The following PAWR variants were observed in gnomAD, a reference collection of about 807,000 sequenced individuals.
The protein encoded by PAWR is PRKC apoptosis WT1 regulator protein.
In PAWR, 23 loss-of-function variants were observed where a neutral mutation model predicts 32.0. The ratio of observed to expected loss-of-function variants is 0.72; its 90% CI spans 0.52 to 1.02. The LOEUF (loss-of-function observed/expected upper bound fraction) is 1.02, where lower values mean the gene tolerates loss of function less well. Ranked by LOEUF, PAWR falls within the 50% of genes least tolerant of loss-of-function variation. The pLI, the probability that PAWR is intolerant of heterozygous loss-of-function variation, is 0.00. For synonymous variants in PAWR, 226 were observed against 187.1 expected (o/e 1.21, Z -1.70); for missense variants, 457 against 437.7 (o/e 1.04, Z -0.39).
At chr12:79,663,699 G>T (rs910915475) in intron 2 of PAWR, among the ~76,000 whole-genome samples, 2 of 151,910 alleles carry the variant, frequency 1.3e-5, no homozygotes, top group African/African-American at 4.8e-5. Flanking sequence ...GGTGGAGATT[G>T]CAGTGAGCCA....
intron 4 of PAWR, among the ~76,000 whole-genome samples, chr12:79,606,401 C>T (rs776384823): frequency 6.6e-6 from 1 of 152,050 alleles, no homozygotes; most frequent in Non-Finnish European, 1.5e-5. Context: ...GGTTAATTTC[C>T]AAATAAATGC....
chr12:79,677,693 C>T (rs1223247122), intron 2 of PAWR, among the ~76,000 whole-genome samples: 1 of 152,086 alleles, frequency 6.6e-6, no homozygotes, highest in African/African-American at 2.4e-5. Flanking sequence ...CTCGAAGATA[C>T]TACCAGGAAG....
intron 3 of PAWR, among the ~76,000 whole-genome samples, chr12:79,616,434 A>C (rs1418836662): frequency 6.6e-6 from 1 of 152,188 alleles, no homozygotes; most frequent in East Asian, 1.9e-4. Context: ...AAATTGTATG[A>C]ATAACTTGGC....
Position 79,592,667 on chromosome 12 carries a change from A to AT in PAWR, c.962dup (p.Asn321LysfsTer2). ...TTTTATTTTCCTGCTTTAGCTGTTC[A>AT]TTTTCATCTTCTATGTCATCTAGGT... is the stretch of plus-strand genomic sequence containing the variant. On this transcript the variant is annotated frameshift_variant, in exon 7 of 7. Transcript: ENST00000328827. LOFTEE classifies it high-confidence loss of function. 1.3e-6 allele frequency: 1 copy of AT among 765,752 alleles called. No individual in the cohort carries two copies. The highest frequency in any genetic ancestry group is 2.4e-6 in the Non-Finnish European group (1 of 414,956). The allele number at this position is 765,752 out of a possible 1,614,324, so 47.4% of individuals were successfully genotyped here.
chr12:79,663,938 A>G (rs1159637077), intron 2 of PAWR, among the ~76,000 whole-genome samples: 3 of 152,234 alleles, frequency 2.0e-5, no homozygotes, highest in Non-Finnish European at 4.4e-5. Context: ...ATAAACAAAA[A>G]TAAATCCAAC....
At chr12:79,599,672 C>T (rs1356422609) in intron 4 of PAWR, among the ~76,000 whole-genome samples, 3 of 152,168 alleles carry the variant, frequency 2.0e-5, no homozygotes, top group South Asian at 2.1e-4. Flanking sequence ...AATTCCTTTG[C>T]AGGATCTTAT....
chr12:79,595,746 G>A (rs557407828), intron 5 of PAWR, among the ~76,000 whole-genome samples: 1 of 152,282 alleles, frequency 6.6e-6, no homozygotes, highest in African/African-American at 2.4e-5. Flanking sequence ...CAGTTACTTG[G>A]AAGGCTGAGG....
intron 2 of PAWR, among the ~76,000 whole-genome samples, chr12:79,658,909 C>T (rs934006772): frequency 3.3e-5 from 5 of 151,806 alleles, no homozygotes; most frequent in African/African-American, 1.2e-4. Context: ...GATCCACCCA[C>T]CTCAGCCTCT....
At chr12:79,658,319 C>T (rs540523005) in intron 2 of PAWR, among the ~76,000 whole-genome samples, 62 of 152,200 alleles carry the variant, frequency 4.1e-4, no homozygotes, top group Middle Eastern at 6.8e-3. Context: ...TGCATACAAC[C>T]CATTAAGGAT....
At position 79,621,222 on chromosome 12, in the gene PAWR, G is replaced by C. The variant is rs1441866349; in HGVS notation, c.517-15C>G. The C allele has an allele frequency of 3.8e-6, 6 of 1,581,430 alleles. No individual in the cohort carries two copies. The highest frequency in any genetic ancestry group is 4.3e-6 in the Non-Finnish European group (5 of 1,167,906). ...TCATCTAAGCACTGAAAGAAAAAAA[G>C]AGTTTCCATTTTATTTCTACTATTA... On this transcript the variant is annotated splice_polypyrimidine_tract_variant and intron_variant, in intron 2 of 6. Transcript: ENST00000328827.
intron 4 of PAWR, chr12:79,603,701 G>A (rs1345733188): frequency 1.8e-5 from 2 of 114,054 alleles, no homozygotes; most frequent in Non-Finnish European, 3.3e-5. Context: ...TTTGGAGACA[G>A]AGTTTCGCTC....
At chr12:79,595,046 C>T (rs1873698720) in intron 5 of PAWR, among the ~76,000 whole-genome samples, 1 of 152,136 alleles carries the variant, frequency 6.6e-6, no homozygotes, top group African/African-American at 2.4e-5. Context: ...CTTATCACCA[C>T]TATAAGTTAT....
intron 2 of PAWR, among the ~76,000 whole-genome samples, chr12:79,632,775 C>G (rs1875771306): frequency 6.6e-6 from 1 of 152,000 alleles, no homozygotes; most frequent in Non-Finnish European, 1.5e-5. Flanking sequence ...TATATACCCT[C>G]CCACTAAAAG....
intron 2 of PAWR, among the ~76,000 whole-genome samples, chr12:79,672,620 T>G (rs539374353): frequency 6.6e-6 from 1 of 152,214 alleles, no homozygotes; most frequent in African/African-American, 2.4e-5. Context: ...CCTATCTCCC[T>G]GTTTTATCCT....
intron 2 of PAWR, chr12:79,632,312 CAT>C (rs71091677): frequency 0.028 from 319 of 11,596 alleles, 41 homozygotes; most frequent in South Asian, 0.12. Context: ...TATATACATA[CAT>C]ATATATATAT....
rs1210310401 is a variant in PAWR, at chr12:79,592,535, T to C, written c.*72A>G. ...TTTAATGTATTGCAGCATAGGAATA[T>C]TGTGCTAGCATTGACCATTAACATT... On this transcript the variant is annotated 3_prime_UTR_variant, in exon 7 of 7. Coordinates refer to ENST00000328827, the MANE Select transcript of PAWR (RefSeq NM_002583.4). 3 of 681,196 alleles carry C rather than the reference T, an allele frequency of 4.4e-6. No homozygotes were observed. Among genetic ancestry groups the C allele is most frequent in the African/African-American group, 1.9e-5 (1 of 53,600 alleles). 42.2% of individuals were successfully genotyped at this position (681,196 alleles called of 1,614,324 possible). A position where few individuals can be genotyped will look rare whatever the true frequency, so the allele number is the denominator to read the frequency against.
chr12:79,647,929 A>G lies in PAWR; in HGVS notation c.517-26722T>C, dbSNP rs530030597. Among the ~76,000 whole-genome samples the G allele has an allele frequency of 5.1e-4, 77 of 152,188 alleles. No individual in the cohort carries two copies. In the South Asian group the frequency reaches 0.015, roughly 30 times the overall value. The stretch of plus-strand genomic sequence containing the variant: ...GATGGTTTCAGGATGAAACTGTTCT[A>G]CCTCAGATCATCAGCCATTAGATTC... On this transcript the variant is annotated intron_variant, in intron 2 of 6. Coordinates refer to ENST00000328827, the MANE Select transcript of PAWR (RefSeq NM_002583.4).
chr12:79,642,020 T>A (rs188818717), intron 2 of PAWR, among the ~76,000 whole-genome samples: 2 of 152,146 alleles, frequency 1.3e-5, no homozygotes, highest in East Asian at 3.9e-4. Context: ...AAGATGCCAC[T>A]GATTGAAAAC....
At chr12:79,606,278 G>A (rs920225784) in intron 4 of PAWR, among the ~76,000 whole-genome samples, 2 of 152,132 alleles carry the variant, frequency 1.3e-5, no homozygotes, top group Non-Finnish European at 1.5e-5. Flanking sequence ...AGCAGTGATG[G>A]TAGTAAACAC....
Sources: gnomAD v4.1 joint callset for allele counts (sites outside exome capture counted in the v4.1 genomes callset) on GRCh38, gnomAD v4.1.1 for gene constraint, MANE v1.5 for transcripts, NCBI Gene and HGNC (gene_info 2026-07-23, HGNC 2026-07-21) for gene names.